The following TECPR2 variants were observed in gnomAD, a reference collection of about 807,000 sequenced individuals.
The protein encoded by TECPR2 is tectonin beta-propeller repeat containing 2, also known as tectonin beta-propeller repeat-containing protein 2.
A neutral mutation model predicts 138.1 loss-of-function variants in TECPR2; 65 were observed. The observed-to-expected ratio is 0.47, with a 90% CI of 0.39 to 0.58. The LOEUF is 0.58. Among genes scored for constraint, TECPR2 ranks in the 20% least tolerant of loss-of-function variants. TECPR2 has a pLI of 0.00. For synonymous variants in TECPR2, 746 were observed against 749.8 expected, an observed-to-expected ratio of 0.99 and a Z score of 0.08; for missense variants, 1,553 against 1,824.5, an observed-to-expected ratio of 0.85 and a Z score of 2.71.
intron 16 of TECPR2, among the ~76,000 whole-genome samples, chr14:102,464,028 A>C (rs757473868): frequency 4.9e-4 from 74 of 152,390 alleles, no homozygotes; most frequent in Middle Eastern, 6.8e-3. Flanking sequence ...TTGCTGATGC[A>C]GAGGACCCAG....
rs1026036783 is a variant in TECPR2 at position 102,377,002 on chromosome 14, T to G, written c.219+62T>G. The G allele has an allele frequency of 2.0e-5, 30 of 1,524,828 alleles. 1 individual carries two copies. Among genetic ancestry groups the G allele is most frequent in the Non-Finnish European group, 8.9e-7 (1 of 1,119,676 alleles). 94.5% of individuals were successfully genotyped at this position (1,524,828 alleles called of 1,614,324 possible). A position where few individuals can be genotyped will look rare whatever the true frequency, so the allele number is the denominator to read the frequency against. The stretch of plus-strand genomic sequence containing the variant: ...AGCCATAGCTGACGCTTAACATGCT[T>G]GTGTTCTAGGATGAGATAATTTACT... On this transcript the variant is annotated intron_variant, in intron 2 of 19. Coordinates refer to ENST00000359520, the MANE Select transcript of TECPR2 (RefSeq NM_014844.5).
At chr14:102,379,229 C>T (rs1230861030) in intron 2 of TECPR2, among the ~76,000 whole-genome samples, 5 of 151,978 alleles carry the variant, frequency 3.3e-5, no homozygotes, top group Non-Finnish European at 7.4e-5. Flanking sequence ...GTCCTAGTCA[C>T]ACTGCTAAAC....
At chr14:102,363,828 T>C (rs1887264725) in intron 1 of TECPR2, among the ~76,000 whole-genome samples, 1 of 152,170 alleles carries the variant, frequency 6.6e-6, no homozygotes, top group East Asian at 1.9e-4. Context: ...GGTCAGTGCA[T>C]GTAAAGTTAA....
chr14:102,434,949 T>C lies in TECPR2; in HGVS notation c.2132T>C (p.Ile711Thr), dbSNP rs140349563. 3 of 1,613,924 alleles carry C rather than the reference T, an allele frequency of 1.9e-6. No individual in the cohort carries two copies. In the African/African-American group the frequency reaches 4.0e-5, roughly 22 times the overall value. ...GATGATGACACAGGTCAGAAAGAAA[T>C]ACCCATTTCTGAACGTGTCTTGGGG... ...VTDDDTGQKE[I>T]PISERVLGSV... Residue 711 changes from isoleucine (I) to threonine (T), a missense_variant, in exon 9 of 20, where the codon ATA (isoleucine) becomes ACA (threonine). By Grantham distance (89) the Ile-to-Thr change is moderately conservative (BLOSUM62 -1). Coordinates refer to ENST00000359520, the MANE Select transcript of TECPR2 (RefSeq NM_014844.5).
chr14:102,493,797 C>T (rs1047898215), intron 17 of TECPR2, among the ~76,000 whole-genome samples: 2 of 152,196 alleles, frequency 1.3e-5, no homozygotes, highest in Admixed American at 6.5e-5. Flanking sequence ...GCGGCTCCCT[C>T]GGATCCCTTG....
At chr14:102,370,322 C>G (rs1183805340) in intron 1 of TECPR2, among the ~76,000 whole-genome samples, 1 of 152,194 alleles carries the variant, frequency 6.6e-6, no homozygotes, top group Non-Finnish European at 1.5e-5. Flanking sequence ...CCACCCACCT[C>G]AGGCTCCCAA....
At position 102,450,474 on chromosome 14, in the gene TECPR2, G is replaced by A. The variant is rs1428784747; in HGVS notation, c.3317-86G>A. 3 of 1,323,032 alleles carry A rather than the reference G, an allele frequency of 2.3e-6. No homozygotes were observed. The South Asian group carries it at 3.7e-5, about 16-fold the overall frequency. 82.0% of individuals were successfully genotyped at this position (1,323,032 alleles called of 1,614,324 possible). A position where few individuals can be genotyped will look rare whatever the true frequency, so the allele number is the denominator to read the frequency against. ...AATTATCTGGAGAAAGGGTTTGAAG[G>A]CCAGCTGTCGTCCAGAACTAAGATC... On this transcript the variant is annotated intron_variant, in intron 14 of 19. Coordinates refer to ENST00000359520, the MANE Select transcript of TECPR2 (RefSeq NM_014844.5).
At position 102,499,228 on chromosome 14, in the gene TECPR2, G is replaced by GAA; in HGVS notation, c.*973_*974dup. 1.5e-6 allele frequency: 1 copy of GAA among 688,644 alleles called. No individual in the cohort carries two copies. Among genetic ancestry groups the GAA allele is most frequent in the East Asian group, 2.7e-5 (1 of 36,952 alleles). 42.7% of individuals were successfully genotyped at this position (688,644 alleles called of 1,614,324 possible). ...GAGCTGAGCAAGGGTCGCTCACTTA[G>GAA]AAATGTCTTTGGAATGGTGTTTAAC... On this transcript the variant is annotated 3_prime_UTR_variant, in exon 20 of 20. Transcript: ENST00000359520.
intron 15 of TECPR2, 63 bp from the exon 16 acceptor site, chr14:102,452,331 C>T (rs1890164957): frequency 2.0e-6 from 3 of 1,513,780 alleles, no homozygotes; most frequent in Non-Finnish European, 1.8e-6. Flanking sequence ...CTGCCTTGTG[C>T]ATTTAGGGCA....
intron 4 of TECPR2, among the ~76,000 whole-genome samples, chr14:102,410,860 A>C (rs1354401334): frequency 6.6e-6 from 1 of 151,982 alleles, no homozygotes; most frequent in African/African-American, 2.4e-5. Context: ...GCTATCCCCA[A>C]ACTGCCACTC....
chr14:102,432,727 C>G (rs542866323), intron 8 of TECPR2, among the ~76,000 whole-genome samples: 118 of 149,554 alleles, frequency 7.9e-4, no homozygotes, highest in Non-Finnish European at 1.4e-3. Flanking sequence ...ATGTCGGGGC[C>G]GGGCGCAGTG....
chr14:102,414,835 CTTG>C lies in TECPR2; in HGVS notation c.638+47_638+49del, dbSNP rs778175084. On this transcript the variant is annotated intron_variant, in intron 5 of 19. Transcript: ENST00000359520. The stretch of plus-strand genomic sequence containing the variant: ...TGCCAGTTTGGCCTAAATGCTGGGC[CTTG>C]TTGTAGAAGGTGCTTTAGGGTTTCT... 5 of 1,608,068 alleles carry C rather than the reference CTTG, an allele frequency of 3.1e-6. No homozygotes were observed. The South Asian group carries it at 5.5e-5, about 18-fold the overall frequency.
rs775531821 is a variant in TECPR2 at position 102,434,275 on chromosome 14, G to A, written c.1458G>A (p.Ser486=). The change falls in exon 9 of 20, where the codon TCG becomes TCA. Residue 486 remains serine (S), a synonymous_variant. Coordinates refer to ENST00000359520, the MANE Select transcript of TECPR2 (RefSeq NM_014844.5). The part of the protein sequence containing the change: ...SRSTCHSSLE[S]TPCSEFPGDS... Reference sequence around the variant, plus strand: ...GCACCTGTCACAGCTCCCTGGAATCGACACCCTGCTCCGAATTTCCTGGGG... The same window carrying A: ...GCACCTGTCACAGCTCCCTGGAATCAACACCCTGCTCCGAATTTCCTGGGG... The A allele has an allele frequency of 3.5e-5, 48 of 1,383,722 alleles. No individual in the cohort carries two copies. The highest frequency in any genetic ancestry group is 1.2e-4 in the African/African-American group (8 of 69,438). 85.7% of individuals were successfully genotyped at this position (1,383,722 alleles called of 1,614,324 possible). A position where few individuals can be genotyped will look rare whatever the true frequency, so the allele number is the denominator to read the frequency against.
intron 2 of TECPR2, among the ~76,000 whole-genome samples, chr14:102,387,284 C>A (rs1245915710): frequency 6.6e-6 from 1 of 152,082 alleles, no homozygotes; most frequent in Non-Finnish European, 1.5e-5. Flanking sequence ...TGGGAGAGGG[C>A]AGATGGAAAC....
chr14:102,497,554 C>T lies in TECPR2; in HGVS notation c.3932-16C>T. The T allele has an allele frequency of 6.4e-7, 1 of 1,564,082 alleles. No individual in the cohort carries two copies. The highest frequency in any genetic ancestry group is 8.7e-7 in the Non-Finnish European group (1 of 1,152,518). Reference sequence around the variant, plus strand: ...GTCCATGGCAGGGGCTCAGGAGGGACCCTGTCTGCCCACAGGGTTGCAGGC... The same window carrying T: ...GTCCATGGCAGGGGCTCAGGAGGGATCCTGTCTGCCCACAGGGTTGCAGGC... On this transcript the variant is annotated splice_polypyrimidine_tract_variant and intron_variant, in intron 18 of 19. Transcript: ENST00000359520.
At position 102,468,621 on chromosome 14, in the gene TECPR2, T is replaced by G. The variant is rs115010043; in HGVS notation, c.3789+3332T>G. ...ATGATGTTCTTTGATGCACAAATAT[T>G]TTTATTTTGATGAAGTCCAGTTTAT... On this transcript the variant is annotated intron_variant, in intron 17 of 19. Transcript: ENST00000359520. Among the ~76,000 whole-genome samples the G allele has an allele frequency of 6.0e-3, 918 of 152,358 alleles. 15 individuals carry two copies. Among genetic ancestry groups the G allele is most frequent in the African/African-American group, 0.021 (885 of 41,582 alleles).
chr14:102,422,731 G>A (rs982878977), intron 5 of TECPR2, among the ~76,000 whole-genome samples: 1 of 152,248 alleles, frequency 6.6e-6, no homozygotes, highest in Non-Finnish European at 1.5e-5. Context: ...GGGGCAGGAA[G>A]TGTTAGGAGC....
chr14:102,496,924 C>T, intron 17 of TECPR2, 55 bp from the exon 18 acceptor site: 9 of 1,597,662 alleles, frequency 5.6e-6, no homozygotes, highest in Non-Finnish European at 7.7e-6. Context: ...AGTCTCCTGT[C>T]CTTTCTCTTG....
intron 2 of TECPR2, among the ~76,000 whole-genome samples, chr14:102,381,430 C>T (rs1389874339): frequency 2.0e-5 from 3 of 152,120 alleles, no homozygotes; most frequent in Non-Finnish European, 2.9e-5. Flanking sequence ...AAAAATTAGC[C>T]GGGAATAGTG....
Sources: allele counts gnomAD v4.1 joint callset (sites outside exome capture counted in the v4.1 genomes callset), GRCh38; gene constraint gnomAD v4.1.1; transcripts MANE v1.5; gene names NCBI Gene and HGNC (gene_info 2026-07-23, HGNC 2026-07-21).